Variants in C2orf66 observed in about 807,000 individuals in gnomAD.
C2orf66 encodes the protein uncharacterized protein C2orf66.
C2orf66 carries 6 observed loss-of-function variants against 7.0 expected under a neutral mutation model. That is an observed-to-expected ratio of 0.86 (90% CI 0.47 to 1.69). The LOEUF (loss-of-function observed/expected upper bound fraction) is 1.69. C2orf66 is among the 40% of genes most tolerant of loss of function. The pLI, the probability that C2orf66 is intolerant of heterozygous loss-of-function variation, is 0.01. For synonymous variants in C2orf66, 38 were observed against 43.8 expected (o/e 0.87, Z 0.52); for missense variants, 107 against 112.0 (o/e 0.96, Z 0.20).
the C2orf66 span, among the ~76,000 whole-genome samples, chr2:196,826,373 T>C: frequency 2.0e-5 from 3 of 152,240 alleles, no homozygotes; most frequent in African/African-American, 7.2e-5. Context: ...TGTAGTAGTA[T>C]GTTTATGGGG....
At chr2:196,814,561 T>C in the C2orf66 span, among the ~76,000 whole-genome samples, 1 of 152,018 alleles carries the variant, frequency 6.6e-6, no homozygotes, top group South Asian at 2.1e-4. Flanking sequence ...CCCCAGAACT[T>C]ACAGTATAAT....
At chr2:196,816,606 C>T in the C2orf66 span, among the ~76,000 whole-genome samples, 1 of 152,156 alleles carries the variant, frequency 6.6e-6, no homozygotes, top group Non-Finnish European at 1.5e-5. Context: ...TGCTTAGTAC[C>T]TGAGTGATGG....
intron 2 of C2orf66, among the ~76,000 whole-genome samples, chr2:196,805,816 G>A (rs900637709): frequency 2.0e-5 from 3 of 152,116 alleles, no homozygotes; most frequent in African/African-American, 7.2e-5. Flanking sequence ...AGATAGTATG[G>A]TATTAATAAC....
the C2orf66 span, among the ~76,000 whole-genome samples, chr2:196,829,670 G>A: frequency 6.6e-6 from 1 of 151,880 alleles, no homozygotes; most frequent in African/African-American, 2.4e-5. Context: ...TGCCGAGGCG[G>A]GCGGATCACG....
Position 196,804,441 on chromosome 2 carries a change from T to C in C2orf66, c.*987A>G, listed in dbSNP as rs1699797434. Among the ~76,000 whole-genome samples the C allele has an allele frequency of 6.6e-6, 1 of 152,226 alleles. No individual in the cohort carries two copies. The highest frequency in any genetic ancestry group is 2.4e-5 in the African/African-American group (1 of 41,452). ...CTGTTCTTGCACAAATATTTTATTC[T>C]TCATATACAATATCAATAATCCACC... On this transcript the variant is annotated 3_prime_UTR_variant, in exon 3 of 3. Coordinates refer to ENST00000342506, the MANE Select transcript of C2orf66 (RefSeq NM_213608.3).
chr2:196,825,447 C>T, the C2orf66 span, among the ~76,000 whole-genome samples: 3 of 152,086 alleles, frequency 2.0e-5, no homozygotes, highest in Non-Finnish European at 4.4e-5. Context: ...CTTAAATATT[C>T]TCAACACACA....
the C2orf66 span, among the ~76,000 whole-genome samples, chr2:196,817,734 T>G: frequency 2.6e-5 from 4 of 151,646 alleles, no homozygotes; most frequent in Non-Finnish European, 4.4e-5. Context: ...TTTATAGACC[T>G]CCCCCCAGGA....
chr2:196,814,994 G>T, the C2orf66 span, among the ~76,000 whole-genome samples: 1 of 151,978 alleles, frequency 6.6e-6, no homozygotes, highest in South Asian at 2.1e-4. Flanking sequence ...AGACAGGGCC[G>T]TACTCTGCCA....
At chr2:196,821,198 T>C in the C2orf66 span, among the ~76,000 whole-genome samples, 1 of 152,240 alleles carries the variant, frequency 6.6e-6, no homozygotes, top group Non-Finnish European at 1.5e-5. Flanking sequence ...AGTCCTTCCA[T>C]AGGGTGTCCA....
chr2:196,830,243 C>G, the C2orf66 span, among the ~76,000 whole-genome samples: 3 of 152,152 alleles, frequency 2.0e-5, no homozygotes, highest in African/African-American at 7.2e-5. Flanking sequence ...TTTGGGGCAC[C>G]TGTTAAAAAA....
chr2:196,815,915 G>T, the C2orf66 span, among the ~76,000 whole-genome samples: 5 of 152,112 alleles, frequency 3.3e-5, no homozygotes, highest in Non-Finnish European at 7.4e-5. Flanking sequence ...AAGTGAATAG[G>T]AAAATTATTA....
chr2:196,814,763 A>C, the C2orf66 span, among the ~76,000 whole-genome samples: 1 of 152,190 alleles, frequency 6.6e-6, no homozygotes, highest in African/African-American at 2.4e-5. Context: ...TCTATGAATA[A>C]TTGATAGTTC....
At chr2:196,816,424 T>C in the C2orf66 span, among the ~76,000 whole-genome samples, 1 of 152,364 alleles carries the variant, frequency 6.6e-6, no homozygotes, top group Non-Finnish European at 1.5e-5. Flanking sequence ...AAGTTGACCC[T>C]CAGAATTCTG....
the C2orf66 span, among the ~76,000 whole-genome samples, chr2:196,821,928 C>CTTTTTTTTTTTTTTTTTTT: frequency 3.1e-5 from 1 of 32,276 alleles, no homozygotes; most frequent in Non-Finnish European, 5.3e-5. Flanking sequence ...AACCAGTGAG[C>CTTTTTTTTTTTTTTTTTTT]TTTTTTTTTT....
the C2orf66 span, among the ~76,000 whole-genome samples, chr2:196,827,415 T>C: frequency 6.6e-6 from 1 of 152,058 alleles, no homozygotes; most frequent in Non-Finnish European, 1.5e-5. Context: ...TTTCTTAACA[T>C]AAATTCTTTT....
In C2orf66 at chr2:196,804,589, C is replaced by A. The variant is rs1057300735; in HGVS notation, c.*839G>T. ...GATGATGCAGCTATCTATAAAGATA[C>A]AGGAAAAGCAGCTATTCCAAATGTG... On this transcript the variant is annotated 3_prime_UTR_variant, in exon 3 of 3. Transcript: ENST00000342506. Among the ~76,000 whole-genome samples the A allele has an allele frequency of 2.0e-5, 3 of 152,306 alleles. No individual in the cohort carries two copies. The highest frequency in any genetic ancestry group is 2.9e-5 in the Non-Finnish European group (2 of 68,028).
chr2:196,822,218 C>T, the C2orf66 span, among the ~76,000 whole-genome samples: 5 of 151,970 alleles, frequency 3.3e-5, no homozygotes, highest in Non-Finnish European at 7.4e-5. Context: ...CGGCCACAAC[C>T]AGTGAGCTTT....
upstream of C2orf66, among the ~76,000 whole-genome samples, chr2:196,813,114 C>T (rs563717765): frequency 2.0e-5 from 3 of 152,024 alleles, no homozygotes; most frequent in Non-Finnish European, 4.4e-5. Context: ...AAAGAGCCCA[C>T]ATAGCCAAAA....
chr2:196,830,776 G>A, the C2orf66 span, among the ~76,000 whole-genome samples: 1 of 152,068 alleles, frequency 6.6e-6, no homozygotes, highest in Non-Finnish European at 1.5e-5. Context: ...CATGGTCTCC[G>A]GGTCTTTCTT....
Sources: allele counts gnomAD v4.1 joint callset (sites outside exome capture counted in the v4.1 genomes callset), GRCh38; gene constraint gnomAD v4.1.1; transcripts MANE v1.5; gene names NCBI Gene and HGNC (gene_info 2026-07-23, HGNC 2026-07-21).